Variants in CDKL5 observed in about 807,000 individuals in gnomAD.
CDKL5 encodes cyclin dependent kinase like 5.
A neutral mutation model predicts 61.7 loss-of-function variants in CDKL5; 8 were observed. The observed-to-expected ratio is 0.13, with a 90% CI of 0.08 to 0.23. The LOEUF (loss-of-function observed/expected upper bound fraction) is 0.23, where lower values mean the gene tolerates loss of function less well. Among genes scored for constraint, CDKL5 ranks in the 10% least tolerant of loss-of-function variants. The pLI is 1.00. For synonymous variants in CDKL5, 275 were observed against 272.3 expected (o/e 1.01, Z -0.10); for missense variants, 440 against 734.5 (o/e 0.60, Z 4.63).
Position 18,630,969 on chromosome X carries a change from C to G in CDKL5, c.*2212C>G. ...TACTAGATCTCTACCTTGTATTCCC[C>G]CCTTGCAAACCAGAAACTACACTTT... On this transcript the variant is annotated 3_prime_UTR_variant, in exon 18 of 18. Coordinates refer to ENST00000623535, the MANE Select transcript of CDKL5 (RefSeq NM_001323289.2). The G allele has an allele frequency of 4.0e-6, 3 of 747,207 alleles. No homozygotes were observed. The highest frequency in any genetic ancestry group is 1.4e-4 in the South Asian group (2 of 14,394). The allele number at this position is 747,207 out of a possible 1,213,427, so 61.6% of individuals were successfully genotyped here. A position where few individuals can be genotyped will look rare whatever the true frequency, so the allele number is the denominator to read the frequency against.
At position 18,564,526 on chromosome X, in the gene CDKL5, G is replaced by GGT; in HGVS notation, c.145+4_145+5insGT. 1.6e-6 allele frequency: 1 copy of GGT among 608,155 alleles called. No individual in the cohort carries two copies. Among genetic ancestry groups the GGT allele is most frequent in the Non-Finnish European group, 2.5e-6 (1 of 406,244 alleles). The allele number at this position is 608,155 out of a possible 1,213,427, so 50.1% of individuals were successfully genotyped here. On this transcript the variant is annotated splice_donor_region_variant and intron_variant, in intron 4 of 17. Coordinates refer to ENST00000623535, the MANE Select transcript of CDKL5 (RefSeq NM_001323289.2). ...AAGAAATTCAAGGACAGTGAAGGTAGATATATATATATATATATATATATC... is the reference window on the plus strand; with the variant it reads ...AAGAAATTCAAGGACAGTGAAGGTAGGTATATATATATATATATATATATATC...
chrX:18,648,070 C>T (rs1030413306), intron 20 of CDKL5, among the ~76,000 whole-genome samples: 2 of 110,947 alleles, frequency 1.8e-5, no homozygotes, highest in Non-Finnish European at 3.8e-5. Context: ...GGCACGGTGA[C>T]TCATGCCTGT....
At chrX:18,480,857 CTTTTTT>C (rs200858035) in intron 1 of CDKL5, among the ~76,000 whole-genome samples, 19 of 96,622 alleles carry the variant, frequency 2.0e-4, no homozygotes, top group Non-Finnish European at 2.7e-4. Context: ...TTCTTTCTTC[CTTTTTT>C]TTTTTTTTTT....
At chrX:18,590,108 T>C (rs1005458594) in intron 9 of CDKL5, among the ~76,000 whole-genome samples, 1 of 110,830 alleles carries the variant, frequency 9.0e-6, no homozygotes, top group African/African-American at 3.3e-5. Context: ...TCTGATGGTA[T>C]TTTCTTTTGC....
chrX:18,517,864 T>C, intron 3 of CDKL5, among the ~76,000 whole-genome samples: 1 of 111,071 alleles, frequency 9.0e-6, no homozygotes, highest in East Asian at 2.8e-4. Flanking sequence ...AAAAATTTGC[T>C]GGGCATGGTG....
chrX:18,577,853 C>T (rs760520317), intron 5 of CDKL5, among the ~76,000 whole-genome samples: 2 of 112,072 alleles, frequency 1.8e-5, no homozygotes, highest in Admixed American at 1.9e-4. Flanking sequence ...TCCACCTGTG[C>T]ATTTGGGACC....
intron 1 of CDKL5, among the ~76,000 whole-genome samples, chrX:18,495,110 A>G (rs1922123139): frequency 8.9e-6 from 1 of 112,629 alleles, no homozygotes; most frequent in Admixed American, 9.4e-5. Context: ...TTATTATAAC[A>G]GAAGTTTAGT....
At chrX:18,611,389 C>T (rs1370007587) in intron 14 of CDKL5, among the ~76,000 whole-genome samples, 1 of 106,381 alleles carries the variant, frequency 9.4e-6, no homozygotes, top group Admixed American at 1.0e-4. Context: ...GAGCCAAAAC[C>T]GCGCCACTGC....
chrX:18,604,949 A>G lies in CDKL5; in HGVS notation c.1944+81A>G, dbSNP rs1926312715. 7 of 1,079,295 alleles carry G rather than the reference A, an allele frequency of 6.5e-6. No homozygotes were observed. In the South Asian group the frequency reaches 9.3e-5, roughly 14 times the overall value. 88.9% of individuals were successfully genotyped at this position (1,079,295 alleles called of 1,213,427 possible). ...GGGATGTGATGAGGGTCCATCTACT[A>G]TTTTCCCTACTACAGGAGGTTGTGC... On this transcript the variant is annotated intron_variant, in intron 12 of 17. Coordinates refer to ENST00000623535, the MANE Select transcript of CDKL5 (RefSeq NM_001323289.2).
chrX:18,546,529 C>T (rs753303588), intron 3 of CDKL5, among the ~76,000 whole-genome samples: 5 of 111,940 alleles, frequency 4.5e-5, no homozygotes, highest in South Asian at 7.5e-4. Context: ...TCCCAAAGTG[C>T]TGGATTACAG....
chrX:18,467,843 G>T (rs1920975976), intron 1 of CDKL5, among the ~76,000 whole-genome samples: 1 of 112,015 alleles, frequency 8.9e-6, no homozygotes, highest in East Asian at 2.8e-4. Flanking sequence ...TGTAATTAGT[G>T]TTGTGGAAGG....
At chrX:18,470,241 C>T (rs751768147) in intron 1 of CDKL5, among the ~76,000 whole-genome samples, 7 of 106,668 alleles carry the variant, frequency 6.6e-5, no homozygotes, top group East Asian at 3.0e-4. Flanking sequence ...GAGGCTGAGA[C>T]GGGAGAAGCG....
chrX:18,545,526 CCG>C (rs1455998772), intron 3 of CDKL5, among the ~76,000 whole-genome samples: 1 of 111,885 alleles, frequency 8.9e-6, no homozygotes, highest in African/African-American at 3.3e-5. Context: ...TATAATATAG[CCG>C]TGTTCCTCTG....
intron 1 of CDKL5, among the ~76,000 whole-genome samples, chrX:18,480,762 G>A (rs2147072489): frequency 9.1e-6 from 1 of 110,314 alleles, no homozygotes; most frequent in East Asian, 2.8e-4. Context: ...GGCTACTGGG[G>A]GCCCCTTCAG....
At chrX:18,435,235 T>G (rs1252944219) in intron 1 of CDKL5, among the ~76,000 whole-genome samples, 2 of 111,481 alleles carry the variant, frequency 1.8e-5, no homozygotes, top group Admixed American at 9.6e-5. Flanking sequence ...CCAAGGTTTG[T>G]CAGCCGCTTA....
intron 3 of CDKL5, among the ~76,000 whole-genome samples, chrX:18,544,777 T>C (rs888291840): frequency 6.2e-5 from 7 of 112,580 alleles, no homozygotes; most frequent in Non-Finnish European, 1.1e-4. Context: ...TTAGAAAAGT[T>C]TTTGTTTTCT....
chrX:18,551,094 G>A (rs1420999819), intron 3 of CDKL5, among the ~76,000 whole-genome samples: 1 of 111,484 alleles, frequency 9.0e-6, no homozygotes, highest in Non-Finnish European at 1.9e-5. Context: ...TCTGCCAGAG[G>A]GATTAAGGAA....
chrX:18,641,706 C>G, downstream of CDKL5: 4 of 335,158 alleles, frequency 1.2e-5, no homozygotes, highest in Non-Finnish European at 2.1e-5. Flanking sequence ...CACAGTATCA[C>G]TGAGACAAAA....
In CDKL5 at chrX:18,633,678, C is replaced by CCTG; in HGVS notation, c.*4926_*4928dup. On this transcript the variant is annotated 3_prime_UTR_variant, in exon 18 of 18. Transcript: ENST00000623535. ...AGTGGGGTGGCTAGGAAACTCTGGG[C>CCTG]CTGCTGCCCCCTTCGATTCTTTTTT... 1.3e-6 allele frequency: 1 copy of CCTG among 754,188 alleles called. No individual in the cohort carries two copies. The highest frequency in any genetic ancestry group is 1.6e-6 in the Non-Finnish European group (1 of 639,331). 62.2% of individuals were successfully genotyped at this position (754,188 alleles called of 1,213,427 possible).
Sources: gnomAD v4.1 joint callset for allele counts (sites outside exome capture counted in the v4.1 genomes callset) on GRCh38, gnomAD v4.1.1 for gene constraint, MANE v1.5 for transcripts, NCBI Gene and HGNC (gene_info 2026-07-23, HGNC 2026-07-21) for gene names.